The following KAZN variants were observed in gnomAD, a reference collection of about 807,000 sequenced individuals.
The protein encoded by KAZN is kazrin, periplakin interacting protein.
A neutral mutation model predicts 87.4 loss-of-function variants in KAZN; 40 were observed. That is an observed-to-expected ratio of 0.46 (90% confidence interval 0.36 to 0.60). The LOEUF (loss-of-function observed/expected upper bound fraction) is 0.60, where lower values mean the gene tolerates loss of function less well. Ranked by LOEUF, KAZN falls within the 20% of genes least tolerant of loss-of-function variation. The pLI is 0.00. For missense variants in KAZN, 898 were observed against 1,073.9 expected, an observed-to-expected ratio of 0.84 and a Z score of 2.29; for synonymous variants, 466 against 458.3, an observed-to-expected ratio of 1.02 and a Z score of -0.22.
chr1:13,968,368 G>A (rs1642018456), intron 1 of KAZN, among the ~76,000 whole-genome samples: 1 of 152,176 alleles, frequency 6.6e-6, no homozygotes, highest in Admixed American at 6.5e-5. Context: ...AGACGGAACA[G>A]TGCCTTGGAA....
chr1:14,726,774 GA>G (rs1643404412), intron 1 of KAZN, among the ~76,000 whole-genome samples: 1 of 152,208 alleles, frequency 6.6e-6, no homozygotes, highest in East Asian at 1.9e-4. Flanking sequence ...GAGACATGCA[GA>G]TTCTCAGGCC....
intron 2 of KAZN, among the ~76,000 whole-genome samples, chr1:14,303,976 T>C (rs1424101459): frequency 1.3e-5 from 2 of 152,218 alleles, no homozygotes; most frequent in Admixed American, 1.3e-4. Flanking sequence ...CTCCAGAGTA[T>C]ACCCGACTCT....
chr1:14,174,649 G>A (rs1286045556), intron 1 of KAZN, among the ~76,000 whole-genome samples: 1 of 152,196 alleles, frequency 6.6e-6, no homozygotes, highest in Non-Finnish European at 1.5e-5. Context: ...AATACACAGA[G>A]ACCATCTTTG....
chr1:14,745,913 C>A (rs546600791), intron 1 of KAZN, among the ~76,000 whole-genome samples: 2 of 152,152 alleles, frequency 1.3e-5, no homozygotes, highest in East Asian at 1.9e-4. Context: ...CTGTTCTGGG[C>A]GAACCGTTCT....
At chr1:14,100,168 T>C (rs1644217845) in intron 1 of KAZN, among the ~76,000 whole-genome samples, 2 of 152,278 alleles carry the variant, frequency 1.3e-5, no homozygotes, top group South Asian at 4.2e-4. Flanking sequence ...GTTTATCGGT[T>C]CCCTTAGACC....
intron 1 of KAZN, among the ~76,000 whole-genome samples, chr1:13,930,971 C>A (rs1400744622): frequency 6.6e-6 from 1 of 152,158 alleles, no homozygotes; most frequent in East Asian, 1.9e-4. Context: ...CTCTATACCT[C>A]CAGTGTCTTA....
chr1:14,965,339 T>C (rs577457234), intron 2 of KAZN, among the ~76,000 whole-genome samples: 1 of 152,302 alleles, frequency 6.6e-6, no homozygotes, highest in South Asian at 2.1e-4. Context: ...TATCATCTTA[T>C]GTATAAACTG....
chr1:15,102,458 G>A (rs1161604195), intron 11 of KAZN, among the ~76,000 whole-genome samples: 7 of 152,092 alleles, frequency 4.6e-5, no homozygotes, highest in Admixed American at 3.3e-4. Context: ...CTGTTGGGTG[G>A]GGTGCTGGCT....
intron 1 of KAZN, among the ~76,000 whole-genome samples, chr1:14,948,135 G>A (rs1407859237): frequency 5.9e-5 from 9 of 152,176 alleles, no homozygotes; most frequent in Admixed American, 5.2e-4. Context: ...CCAGAAAACT[G>A]TCTCTGACAA....
chr1:14,618,146 G>A (rs1327500875), intron 1 of KAZN, among the ~76,000 whole-genome samples: 8 of 152,170 alleles, frequency 5.3e-5, no homozygotes, highest in Middle Eastern at 3.2e-3. Context: ...TGAGTCCGGC[G>A]CTTGCTTCAC....
intron 2 of KAZN, among the ~76,000 whole-genome samples, chr1:14,224,766 G>T (rs150981933): frequency 6.6e-6 from 1 of 152,208 alleles, no homozygotes; most frequent in East Asian, 1.9e-4. Flanking sequence ...TGCCTAGCTC[G>T]GTGGTTTTGG....
intron 2 of KAZN, among the ~76,000 whole-genome samples, chr1:14,381,205 A>G (rs998241672): frequency 2.0e-5 from 3 of 152,200 alleles, no homozygotes; most frequent in Non-Finnish European, 2.9e-5. Flanking sequence ...TCAGAAAGGT[A>G]TAACAATTTT....
At chr1:14,883,623 A>T (rs904716656) in intron 1 of KAZN, among the ~76,000 whole-genome samples, 1 of 151,980 alleles carries the variant, frequency 6.6e-6, no homozygotes, top group African/African-American at 2.4e-5. Flanking sequence ...ACTTATTAGA[A>T]TAATGTACCT....
intron 1 of KAZN, among the ~76,000 whole-genome samples, chr1:14,750,363 G>A (rs537349591): frequency 1.3e-5 from 2 of 152,234 alleles, no homozygotes; most frequent in African/African-American, 4.8e-5. Flanking sequence ...ACTGTGGGCT[G>A]AATAGGTCAC....
chr1:14,849,097 G>A (rs971999184), intron 1 of KAZN, among the ~76,000 whole-genome samples: 5 of 152,130 alleles, frequency 3.3e-5, no homozygotes, highest in African/African-American at 9.7e-5. Context: ...CCCCTTGTTC[G>A]GCCACTCCCA....
intron 1 of KAZN, among the ~76,000 whole-genome samples, chr1:14,144,949 G>C (rs759667580): frequency 4.6e-5 from 7 of 152,174 alleles, no homozygotes; most frequent in Non-Finnish European, 1.0e-4. Flanking sequence ...CTCCAACATT[G>C]CCACATTGGG....
intron 8 of KAZN, among the ~76,000 whole-genome samples, chr1:15,069,309 T>G (rs1402965556): frequency 6.6e-6 from 1 of 152,138 alleles, no homozygotes; most frequent in South Asian, 2.1e-4. Flanking sequence ...CATACAAGGA[T>G]AAAGCCTTTT....
chr1:14,052,056 T>G (rs1170498228), intron 1 of KAZN, among the ~76,000 whole-genome samples: 5 of 152,192 alleles, frequency 3.3e-5, no homozygotes, highest in Non-Finnish European at 5.9e-5. Flanking sequence ...GGATTTTATG[T>G]ACCTGTCCTC....
Position 14,095,742 on chromosome 1 carries a change from C to T in KAZN, c.92-84693C>T, listed in dbSNP as rs566067260. Among the ~76,000 whole-genome samples the T allele has an allele frequency of 3.2e-4, 49 of 152,262 alleles. 1 individual carries two copies. The highest frequency in any genetic ancestry group is 1.3e-3 in the Admixed American group (20 of 15,294). ...AGATTGCAGCCTCAAACTTCTTACA[C>T]GGTTTCTCAGGGTTCCCAGGGTGAA... On this transcript the variant is annotated intron_variant, in intron 1 of 16. Transcript: ENST00000636203.
Sources: gnomAD v4.1 joint callset for allele counts (sites outside exome capture counted in the v4.1 genomes callset) on GRCh38, gnomAD v4.1.1 for gene constraint, MANE v1.5 for transcripts, NCBI Gene and HGNC (gene_info 2026-07-23, HGNC 2026-07-21) for gene names.